ARAP2: variants seen among roughly 807,000 people sequenced by gnomAD.
ARAP2 encodes arf-GAP with Rho-GAP domain, ANK repeat and PH domain-containing protein 2.
A neutral mutation model predicts 194.5 loss-of-function variants in ARAP2; 148 were observed. The ratio of observed to expected loss-of-function variants is 0.76; its 90% CI spans 0.67 to 0.87. The LOEUF is 0.87. Ranked by LOEUF, ARAP2 falls within the 40% of genes least tolerant of loss-of-function variation. ARAP2 has a pLI of 0.00. For missense variants in ARAP2, 2,128 were observed against 1,989.7 expected (o/e 1.07, Z -1.32); for synonymous variants, 695 against 683.5 (o/e 1.02, Z -0.26).
chr4:36,158,278 AACACACAC>A (rs1230450258), intron 15 of ARAP2, among the ~76,000 whole-genome samples: 3 of 151,956 alleles, frequency 2.0e-5, no homozygotes, highest in Non-Finnish European at 4.4e-5. Flanking sequence ...ATTTTACTTA[AACACACAC>A]ACACACTTTT....
intron 9 of ARAP2, among the ~76,000 whole-genome samples, chr4:36,177,455 GC>G (rs988650325): frequency 2.0e-5 from 3 of 152,032 alleles, no homozygotes; most frequent in Non-Finnish European, 4.4e-5. Context: ...AAAAATAAAA[GC>G]AGCACAGGGT....
chr4:36,182,495 CTAAATAAATAAA>C (rs71201004), intron 8 of ARAP2, among the ~76,000 whole-genome samples: 61 of 140,698 alleles, frequency 4.3e-4, no homozygotes, highest in Non-Finnish European at 8.0e-4. Flanking sequence ...GACTCCATCT[CTAAATAAATAAA>C]TAAATAAATA....
chr4:36,116,470 T>G (rs1475454331), intron 25 of ARAP2, among the ~76,000 whole-genome samples: 1 of 151,882 alleles, frequency 6.6e-6, no homozygotes, highest in African/African-American at 2.4e-5. Flanking sequence ...CTATTTTTAA[T>G]TCATCACAAA....
At chr4:36,216,334 A>G (rs1053053966) in intron 2 of ARAP2, among the ~76,000 whole-genome samples, 1 of 152,254 alleles carries the variant, frequency 6.6e-6, no homozygotes, top group African/African-American at 2.4e-5. Flanking sequence ...ATACCACCAC[A>G]TACACATTAG....
intron 1 of ARAP2, among the ~76,000 whole-genome samples, chr4:36,234,149 T>A (rs1423588144): frequency 6.6e-6 from 1 of 152,098 alleles, no homozygotes; most frequent in Non-Finnish European, 1.5e-5. Flanking sequence ...AGTCGAAAAA[T>A]CCCAAGTCAA....
chr4:36,159,994 C>G, intron 13 of ARAP2: 1 of 759,614 alleles, frequency 1.3e-6, no homozygotes, highest in Non-Finnish European at 1.6e-6. Context: ...CCTCAGGGGC[C>G]GAGGATAGGA....
intron 15 of ARAP2, among the ~76,000 whole-genome samples, chr4:36,156,372 A>AGGGGGG (rs1263741908): frequency 1.1e-4 from 3 of 26,142 alleles, no homozygotes; most frequent in African/African-American, 5.2e-4. Flanking sequence ...GGAGGGAGGG[A>AGGGGGG]GGGGGAAAGA....
At chr4:36,220,560 A>ATT (rs71653579) in intron 2 of ARAP2, among the ~76,000 whole-genome samples, 116 of 148,968 alleles carry the variant, frequency 7.8e-4, no homozygotes, top group Non-Finnish European at 1.2e-3. Context: ...CCTTCCACTT[A>ATT]TTTTTTTTTT....
chr4:36,105,375 T>G (rs1246497831), intron 27 of ARAP2, among the ~76,000 whole-genome samples: 2 of 151,946 alleles, frequency 1.3e-5, no homozygotes, highest in African/African-American at 4.8e-5. Flanking sequence ...TCCAAATCTC[T>G]GAAACATCAC....
At chr4:36,140,505 G>A (rs1467205649) in intron 19 of ARAP2, among the ~76,000 whole-genome samples, 4 of 151,690 alleles carry the variant, frequency 2.6e-5, no homozygotes, top group Non-Finnish European at 5.9e-5. Flanking sequence ...TAAATCATCA[G>A]AAAGTTACAA....
chr4:36,160,891 T>C (rs1179330435), intron 12 of ARAP2, among the ~76,000 whole-genome samples: 7 of 152,162 alleles, frequency 4.6e-5, no homozygotes, highest in Non-Finnish European at 1.0e-4. Flanking sequence ...ACACAAATTG[T>C]AGCAAAAGTA....
At chr4:36,231,134 G>A (rs1234600378) in intron 1 of ARAP2, among the ~76,000 whole-genome samples, 1 of 152,000 alleles carries the variant, frequency 6.6e-6, no homozygotes, top group Non-Finnish European at 1.5e-5. Flanking sequence ...GTCAGGAGAT[G>A]GAGACCATCC....
chr4:36,082,167 T>G, intron 30 of ARAP2, 84 bp downstream of exon 30: 1 of 1,287,504 alleles, frequency 7.8e-7, no homozygotes, highest in Non-Finnish European at 1.1e-6. Flanking sequence ...CCGTCTGTAG[T>G]TCTATCTGCA....
At chr4:36,140,139 T>TACACACACACACACAC (rs66531233) in intron 19 of ARAP2, among the ~76,000 whole-genome samples, 1,513 of 140,440 alleles carry the variant, frequency 0.011, 24 homozygotes, top group Admixed American at 0.016. Context: ...ACAAAAACAA[T>TACACACACACACACAC]ACACACACAC....
At chr4:36,119,443 A>T (rs1722155084) in intron 24 of ARAP2, among the ~76,000 whole-genome samples, 1 of 151,292 alleles carries the variant, frequency 6.6e-6, no homozygotes, top group African/African-American at 2.4e-5. Flanking sequence ...ATTAAAACTG[A>T]TTTTCTATTT....
chr4:36,117,553 A>G (rs1721662683), intron 24 of ARAP2, among the ~76,000 whole-genome samples: 1 of 151,688 alleles, frequency 6.6e-6, no homozygotes. Flanking sequence ...TTCAAGCTAT[A>G]ATGTGTGCAT....
At position 36,229,458 on chromosome 4, in the gene ARAP2, T is replaced by C. The variant is rs763157040; in HGVS notation, c.29A>G (p.Asp10Gly). The C allele has an allele frequency of 6.2e-7, 1 of 1,612,004 alleles. No individual in the cohort carries two copies. The highest frequency in any genetic ancestry group is 1.1e-5 in the South Asian group (1 of 90,900). Residue 10 changes from aspartate to glycine, a missense_variant, in exon 2 of 33, where the codon GAT becomes GGT. Asp to Gly is a moderately conservative substitution (Grantham distance 94, BLOSUM62 -1). Transcript: ENST00000303965. The stretch of plus-strand genomic sequence containing the variant: ...AATGCTCATTAGGAAATCTTTTATA[T>C]CCACATTTACTTCACTGACTGAGGA... Reference protein sequence around the residue: MSSVSEVNVDIKDFLMSINL... With the variant: MSSVSEVNVGIKDFLMSINL...
chr4:36,143,138 G>T (rs922362581), intron 19 of ARAP2, among the ~76,000 whole-genome samples: 1 of 151,662 alleles, frequency 6.6e-6, no homozygotes, highest in African/African-American at 2.4e-5. Flanking sequence ...TGCCTGTCAC[G>T]TATGTATAGT....
chr4:36,153,263 T>G (rs1731432460), intron 15 of ARAP2, among the ~76,000 whole-genome samples: 1 of 152,140 alleles, frequency 6.6e-6, no homozygotes, highest in African/African-American at 2.4e-5. Context: ...AACAAAGCTG[T>G]GACAGGAAAT....
Sources: gnomAD v4.1 joint callset for allele counts (sites outside exome capture counted in the v4.1 genomes callset) on GRCh38, gnomAD v4.1.1 for gene constraint, MANE v1.5 for transcripts, NCBI Gene and HGNC (gene_info 2026-07-23, HGNC 2026-07-21) for gene names.